Variants in CFAP263 observed in about 807,000 individuals in gnomAD.
CFAP263 encodes the protein cilia and flagella associated protein 263, also known as cilia- and flagella-associated protein 263.
chr16:58,257,380 A>G, the CFAP263 span, among the ~76,000 whole-genome samples: 1 of 152,028 alleles, frequency 6.6e-6, no homozygotes, highest in Non-Finnish European at 1.5e-5. Flanking sequence ...TTTTCACTTA[A>G]CAACATCTCT....
chr16:58,250,764 CAAA>C, the CFAP263 span, among the ~76,000 whole-genome samples: 274 of 101,844 alleles, frequency 2.7e-3, no homozygotes, highest in East Asian at 0.016. Flanking sequence ...GACTAAGTCT[CAAA>C]AAAAAAAAAA....
the CFAP263 span, among the ~76,000 whole-genome samples, chr16:58,260,785 A>T: frequency 1.3e-5 from 2 of 152,180 alleles, no homozygotes; most frequent in East Asian, 3.9e-4. Flanking sequence ...TTGGGGGACT[A>T]TTGCTTGAGT....
the CFAP263 span, chr16:58,253,934 C>T: frequency 6.4e-7 from 1 of 1,573,426 alleles, no homozygotes; most frequent in Non-Finnish European, 8.7e-7. Context: ...ATTCTGATGC[C>T]TATCTTGGGC....
chr16:58,259,726 C>CTTT, the CFAP263 span: 1 of 570,104 alleles, frequency 1.8e-6, no homozygotes, highest in South Asian at 2.8e-5. Flanking sequence ...GTAAAAGGAC[C>CTTT]TAAAATAAGT....
chr16:58,274,200 C>T, the CFAP263 span, among the ~76,000 whole-genome samples: 3 of 152,246 alleles, frequency 2.0e-5, no homozygotes, highest in Non-Finnish European at 2.9e-5. Context: ...TGCTCCAACT[C>T]TCAGAGGGCT....
chr16:58,252,754 G>A, the CFAP263 span: 5 of 1,613,172 alleles, frequency 3.1e-6, no homozygotes, highest in Admixed American at 8.3e-5. Flanking sequence ...TCAAAACTGA[G>A]ACTGAGATGT....
the CFAP263 span, among the ~76,000 whole-genome samples, chr16:58,275,082 A>G: frequency 6.6e-6 from 1 of 152,240 alleles, no homozygotes; most frequent in Admixed American, 6.5e-5. Flanking sequence ...TTGTTTGTTT[A>G]GGCTAAACAG....
chr16:58,279,083 C>T, the CFAP263 span, among the ~76,000 whole-genome samples: 2 of 152,062 alleles, frequency 1.3e-5, no homozygotes, highest in Non-Finnish European at 2.9e-5. Flanking sequence ...GAACGAATCC[C>T]GCAGACTTTG....
the CFAP263 span, among the ~76,000 whole-genome samples, chr16:58,265,548 AAGTG>A: frequency 6.6e-6 from 1 of 151,982 alleles, no homozygotes; most frequent in Non-Finnish European, 1.5e-5. Flanking sequence ...TGCCAACAAT[AAGTG>A]AGCTTGGAAG....
chr16:58,253,279 G>A, the CFAP263 span, among the ~76,000 whole-genome samples: 106 of 152,234 alleles, frequency 7.0e-4, no homozygotes, highest in Middle Eastern at 0.031. Context: ...TACTTGGGAG[G>A]CTGAGGTGGG....
the CFAP263 span, chr16:58,252,611 G>A: frequency 3.7e-6 from 3 of 810,256 alleles, no homozygotes; most frequent in South Asian, 1.7e-5. Context: ...TTATAGGTGA[G>A]GAAACTAAGG....
chr16:58,280,039 T>A, the CFAP263 span: 2 of 653,472 alleles, frequency 3.1e-6, no homozygotes, highest in Non-Finnish European at 2.6e-6. Context: ...ACAAGCATAG[T>A]GAAAGTGACC....
At chr16:58,256,414 G>A in the CFAP263 span, among the ~76,000 whole-genome samples, 3 of 152,144 alleles carry the variant, frequency 2.0e-5, no homozygotes, top group South Asian at 6.2e-4. Context: ...GAAGAATGAT[G>A]GCATCTGTTT....
the CFAP263 span, among the ~76,000 whole-genome samples, chr16:58,269,389 G>A: frequency 1.4e-3 from 151 of 104,716 alleles, 1 homozygote; most frequent in African/African-American, 1.2e-3. Context: ...AAGAAAGGAA[G>A]GAAAGAGGAA....
At chr16:58,264,581 C>T in the CFAP263 span, among the ~76,000 whole-genome samples, 2 of 152,156 alleles carry the variant, frequency 1.3e-5, no homozygotes, top group African/African-American at 4.8e-5. Flanking sequence ...GATTCTTCAC[C>T]TCTTGGAGGC....
the CFAP263 span, chr16:58,267,367 T>G: frequency 1.3e-6 from 1 of 749,610 alleles, no homozygotes; most frequent in African/African-American, 1.8e-5. Flanking sequence ...AAAGGCAATT[T>G]GGACTTTCTG....
chr16:58,277,141 T>G, the CFAP263 span, among the ~76,000 whole-genome samples: 1 of 152,122 alleles, frequency 6.6e-6, no homozygotes, highest in South Asian at 2.1e-4. Context: ...TTTTTAAATT[T>G]TTTTTTTTAG....
At chr16:58,281,013 T>C in the CFAP263 span, 2 of 472,648 alleles carry the variant, frequency 4.2e-6, no homozygotes, top group South Asian at 3.5e-5. Context: ...TATTTCATTT[T>C]CTTGCCCCTT....
the CFAP263 span, among the ~76,000 whole-genome samples, chr16:58,261,313 G>A: frequency 7.2e-5 from 11 of 152,168 alleles, no homozygotes; most frequent in Non-Finnish European, 1.3e-4. Context: ...AAATTCTGCC[G>A]TGAGTGGTCC....
Sources: allele counts gnomAD v4.1 joint callset (sites outside exome capture counted in the v4.1 genomes callset), GRCh38; gene constraint gnomAD v4.1.1; transcripts MANE v1.5; gene names NCBI Gene and HGNC (gene_info 2026-07-23, HGNC 2026-07-21).